Variants in ATP1A1 observed in about 807,000 individuals in gnomAD.
ATP1A1 encodes ATPase Na+/K+ transporting subunit alpha 1.
Under a neutral mutation model 114.8 loss-of-function variants are expected in ATP1A1, and 14 were observed. That is an observed-to-expected ratio of 0.12 (90% CI 0.08 to 0.19). The LOEUF (loss-of-function observed/expected upper bound fraction) is 0.19. Ranked by LOEUF, ATP1A1 falls within the 10% of genes least tolerant of loss-of-function variation. The probability of loss-of-function intolerance (pLI) is 1.00; values close to 1 mark genes in which losing one functional copy is unlikely to be tolerated. For missense variants in ATP1A1, 524 were observed against 1,290.7 expected, an observed-to-expected ratio of 0.41 and a Z score of 9.10; for synonymous variants, 471 against 466.3, an observed-to-expected ratio of 1.01 and a Z score of -0.13.
chr1:116,379,584 T>C (rs565619390), intron 1 of ATP1A1, among the ~76,000 whole-genome samples: 1 of 152,342 alleles, frequency 6.6e-6, no homozygotes, highest in East Asian at 1.9e-4. Context: ...TTGACTGTTA[T>C]TTTCTTTAAG....
chr1:116,396,713 C>A lies in ATP1A1; in HGVS notation c.1952C>A (p.Pro651Gln). 6.3e-7 allele frequency: 1 copy of A among 1,590,672 alleles called. No individual in the cohort carries two copies. The highest frequency in any genetic ancestry group is 8.6e-7 in the Non-Finnish European group (1 of 1,165,022). The change falls in exon 14 of 23, where the codon CCA (proline) becomes CAA (glutamine). Residue 651 changes from proline to glutamine, a missense_variant. Around this residue, in one of 8 missense-constraint regions of ATP1A1, gnomAD observed 47 missense variants for 79.8 expected, o/e 0.59. Coordinates refer to ENST00000295598, the MANE Select transcript of ATP1A1 (RefSeq NM_000701.8). ...GACATTGCTGCCCGCCTCAACATCC[C>A]AGTCAGCCAGGTGAACCCCAGGTAA... ...VEDIAARLNI[P>Q]VSQVNPRDAK...
In ATP1A1 at chr1:116,395,171, C is replaced by T. The variant is rs375738842; in HGVS notation, c.1722C>T (p.Asp574=). The part of the protein sequence containing the change: ...QFPEGFQFDT[D]DVNFPIDNLC... ...CTGAAGGGTTCCAGTTTGACACTGA[C>T]GATGTGAATTTCCCTATCGATAATC... The change falls in exon 13 of 23, where the codon GAC becomes GAT. Residue 574 remains aspartate, a synonymous_variant. Coordinates refer to ENST00000295598, the MANE Select transcript of ATP1A1 (RefSeq NM_000701.8). The surrounding 1 kb of genome is among the most constrained non-coding windows in gnomAD (Gnocchi z 6.4). The T allele has an allele frequency of 7.4e-5, 120 of 1,613,982 alleles. No individual in the cohort carries two copies. Among genetic ancestry groups the T allele is most frequent in the Admixed American group, 5.2e-4 (31 of 59,984 alleles).
chr1:116,391,201 C>A (rs759523179), intron 10 of ATP1A1, among the ~76,000 whole-genome samples: 3 of 152,226 alleles, frequency 2.0e-5, no homozygotes, highest in Admixed American at 6.5e-5. Flanking sequence ...TCTGCTTTTA[C>A]TACTCTTGAG....
At position 116,389,509 on chromosome 1, in the gene ATP1A1, T is replaced by C. The variant is rs966706568; in HGVS notation, c.825T>C (p.Ser275=). The stretch of plus-strand genomic sequence containing the variant: ...TGGGAAGAATTGCCACACTTGCTTC[T>C]GGGCTGGAAGGAGGCCAGACCCCCA... ...TVMGRIATLA[S]GLEGGQTPIA... Residue 275 remains serine (S), a synonymous_variant, in exon 8 of 23, where the codon TCT becomes TCC. Coordinates refer to ENST00000295598, the MANE Select transcript of ATP1A1 (RefSeq NM_000701.8). This position sits in a 1 kb window ranked among gnomAD's most constrained non-coding sequence, Gnocchi z 6.9. 3 of 1,614,122 alleles carry C rather than the reference T, an allele frequency of 1.9e-6. No individual in the cohort carries two copies. The highest frequency in any genetic ancestry group is 2.2e-5 in the East Asian group (1 of 44,902).
In ATP1A1 at chr1:116,399,580, A is replaced by G. The variant is rs768565294; in HGVS notation, c.2572+37A>G. On this transcript the variant is annotated intron_variant, in intron 18 of 22. Transcript: ENST00000295598. This position sits in a 1 kb window ranked among gnomAD's most constrained non-coding sequence, Gnocchi z 5.0. Reference sequence around the variant, plus strand: ...CCTGGAGTGGGAAGCTGGCACATCTAAGGCATCTGAGGTGATGGTGTCCAC... The same window carrying G: ...CCTGGAGTGGGAAGCTGGCACATCTGAGGCATCTGAGGTGATGGTGTCCAC... 2.5e-6 allele frequency: 4 copies of G among 1,612,364 alleles called. No homozygotes were observed. The highest frequency in any genetic ancestry group is 3.3e-4 in the Middle Eastern group (2 of 6,000).
chr1:116,380,815 T>C (rs1651695238), intron 1 of ATP1A1, among the ~76,000 whole-genome samples: 1 of 152,102 alleles, frequency 6.6e-6, no homozygotes, highest in Non-Finnish European at 1.5e-5. Context: ...TTTGAGAGGA[T>C]AGAATCCATG....
chr1:116,391,327 T>C (rs1290370550), intron 10 of ATP1A1, among the ~76,000 whole-genome samples: 2 of 152,224 alleles, frequency 1.3e-5, no homozygotes, highest in East Asian at 3.8e-4. Flanking sequence ...AAGCCATTTA[T>C]TTTCCTGAAA....
In ATP1A1 at chr1:116,374,104, C is replaced by A. The variant is rs895464202; in HGVS notation, c.12+581C>A. 11 of 1,484,300 alleles carry A rather than the reference C, an allele frequency of 7.4e-6. No individual in the cohort carries two copies. The African/African-American group carries it at 1.0e-4, about 13-fold the overall frequency. The allele number at this position is 1,484,300 out of a possible 1,614,324, so 91.9% of individuals were successfully genotyped here. ...GGTTCGGGGCTCCTTCTCCTGGGGA[C>A]GCTGGGGCTTAGCTTGCTCCGCGCA... On this transcript the variant is annotated intron_variant, in intron 1 of 22. Transcript: ENST00000295598.
In ATP1A1 at chr1:116,400,857, T is replaced by C. The variant is rs1391093874; in HGVS notation, c.2573-4T>C. On this transcript the variant is annotated splice_region_variant and splice_polypyrimidine_tract_variant and intron_variant, in intron 18 of 22. Coordinates refer to ENST00000295598, the MANE Select transcript of ATP1A1 (RefSeq NM_000701.8). Reference sequence around the variant, plus strand: ...CTAGTAATTGGGTTGTTTTCCCAACTTAGGAATGATCCAGGCCCTGGGAGG... The same window carrying C: ...CTAGTAATTGGGTTGTTTTCCCAACCTAGGAATGATCCAGGCCCTGGGAGG... The C allele has an allele frequency of 1.2e-6, 2 of 1,614,110 alleles. No homozygotes were observed. The highest frequency in any genetic ancestry group is 1.7e-6 in the Non-Finnish European group (2 of 1,180,006).
rs754913955 is a variant in ATP1A1 at position 116,398,138 on chromosome 1, C to T, written c.2124+100C>T. On this transcript the variant is annotated intron_variant, in intron 15 of 22. Coordinates refer to ENST00000295598, the MANE Select transcript of ATP1A1 (RefSeq NM_000701.8). This position sits in a 1 kb window ranked among gnomAD's most constrained non-coding sequence, Gnocchi z 6.1. Reference sequence around the variant, plus strand: ...AACGGTGATGGATGGATGCATACCTCGCTGTATTAGACTCAGTATAAATAG... The same window carrying T: ...AACGGTGATGGATGGATGCATACCTTGCTGTATTAGACTCAGTATAAATAG... The T allele has an allele frequency of 2.6e-5, 39 of 1,485,618 alleles. No homozygotes were observed. The highest frequency in any genetic ancestry group is 1.4e-4 in the East Asian group (6 of 43,678). The allele number at this position is 1,485,618 out of a possible 1,614,324, so 92.0% of individuals were successfully genotyped here. A position where few individuals can be genotyped will look rare whatever the true frequency, so the allele number is the denominator to read the frequency against.
Position 116,388,593 on chromosome 1 carries a change from C to T in ATP1A1, c.502-45C>T. 1 of 1,590,198 alleles carries T rather than the reference C, an allele frequency of 6.3e-7. No homozygotes were observed. The highest frequency in any genetic ancestry group is 8.6e-7 in the Non-Finnish European group (1 of 1,166,498). On this transcript the variant is annotated intron_variant, in intron 5 of 22. Coordinates refer to ENST00000295598, the MANE Select transcript of ATP1A1 (RefSeq NM_000701.8). This position sits in a 1 kb window ranked among gnomAD's most constrained non-coding sequence, Gnocchi z 5.6. ...ATTTTCTTGTTTTGGACACTACCTTCTCTTTGTTGGTATACTAACGGTGTA... is the reference window on the plus strand; with the variant it reads ...ATTTTCTTGTTTTGGACACTACCTTTTCTTTGTTGGTATACTAACGGTGTA...
At chr1:116,390,013 T>G in intron 8 of ATP1A1, 200 bp from the exon 9 acceptor site, 1 of 672,730 alleles carries the variant, frequency 1.5e-6, no homozygotes, top group Non-Finnish European at 2.5e-6. Context: ...AATCCTGTTA[T>G]TATTTTTCTT....
chr1:116,376,148 T>G (rs919596808), intron 1 of ATP1A1, among the ~76,000 whole-genome samples: 5 of 152,142 alleles, frequency 3.3e-5, no homozygotes, highest in African/African-American at 1.2e-4. Flanking sequence ...GTGTAAAAGA[T>G]GAGGAGGGGG....
Position 116,384,799 on chromosome 1 carries a change from G to C in ATP1A1, c.140G>C (p.Ser47Thr). 6.2e-7 allele frequency: 1 copy of C among 1,613,128 alleles called. No homozygotes were observed. The highest frequency in any genetic ancestry group is 8.5e-7 in the Non-Finnish European group (1 of 1,179,658). ...KEVSMDDHKL[S>T]LDELHRKYGT... Reference sequence around the variant, plus strand: ...TTCCCTTAGGATGATCATAAACTTAGCCTTGATGAACTTCATCGTAAATAT... The same window carrying C: ...TTCCCTTAGGATGATCATAAACTTACCCTTGATGAACTTCATCGTAAATAT... Residue 47 changes from serine to threonine, a missense_variant, in exon 3 of 23, where the codon AGC becomes ACC. Around this residue, in one of 8 missense-constraint regions of ATP1A1, gnomAD observed 141 missense variants for 316.6 expected, o/e 0.45. Transcript: ENST00000295598. The surrounding 1 kb of genome is among the most constrained non-coding windows in gnomAD (Gnocchi z 5.1).
chr1:116,383,693 G>C lies in ATP1A1; in HGVS notation c.13-321G>C, dbSNP rs891414047. The C allele has an allele frequency of 5.1e-5, 12 of 237,096 alleles. No homozygotes were observed. The South Asian group carries it at 7.0e-4, about 14-fold the overall frequency. The allele number at this position is 237,096 out of a possible 1,614,324, so 14.7% of individuals were successfully genotyped here. A position where few individuals can be genotyped will look rare whatever the true frequency, so the allele number is the denominator to read the frequency against. Reference sequence around the variant, plus strand: ...AGGGAAGATGGAAGGCTGCAGAATAGGGATTTTGATAGCAAAAATCTCCTC... The same window carrying C: ...AGGGAAGATGGAAGGCTGCAGAATACGGATTTTGATAGCAAAAATCTCCTC... On this transcript the variant is annotated intron_variant, in intron 1 of 22. Coordinates refer to ENST00000295598, the MANE Select transcript of ATP1A1 (RefSeq NM_000701.8).
chr1:116,374,134 C>A, intron 1 of ATP1A1: 1 of 1,545,898 alleles, frequency 6.5e-7, no homozygotes. Context: ...CGCGCAGAGG[C>A]GGCCGCCCTC....
intron 1 of ATP1A1, chr1:116,374,033 G>C (rs1651182746): frequency 6.4e-6 from 9 of 1,405,898 alleles, no homozygotes; most frequent in Non-Finnish European, 8.3e-6. Context: ...CTCCTCCCGG[G>C]CCTCCGTTCC....
At chr1:116,383,493 A>G in intron 1 of ATP1A1, 1 of 448,390 alleles carries the variant, frequency 2.2e-6, no homozygotes, top group Non-Finnish European at 3.0e-6. Flanking sequence ...CTTTATCTCC[A>G]CGCTGTGGAA....
chr1:116,395,388 A>G lies in ATP1A1; in HGVS notation c.1836+103A>G. 8.0e-7 allele frequency: 1 copy of G among 1,247,760 alleles called. No homozygotes were observed. The highest frequency in any genetic ancestry group is 1.6e-5 in the South Asian group (1 of 61,910). The allele number at this position is 1,247,760 out of a possible 1,614,324, so 77.3% of individuals were successfully genotyped here. ...TCCAGATGGCCAGCTGTTCTATCTC[A>G]CCTGGAGTATTAATTTCTCATCTCC... is the stretch of plus-strand genomic sequence containing the variant. On this transcript the variant is annotated intron_variant, in intron 13 of 22. Coordinates refer to ENST00000295598, the MANE Select transcript of ATP1A1 (RefSeq NM_000701.8). The surrounding 1 kb of genome is among the most constrained non-coding windows in gnomAD (Gnocchi z 6.4).
Sources: gnomAD v4.1 joint callset for allele counts (sites outside exome capture counted in the v4.1 genomes callset) on GRCh38, gnomAD v4.1.1 for gene constraint, gnomAD v4.1.1 regional missense constraint, Gnocchi (gnomAD v3.1) non-coding constraint, MANE v1.5 for transcripts, NCBI Gene and HGNC (gene_info 2026-07-23, HGNC 2026-07-21) for gene names.